The following DLG2 variants were observed in gnomAD, a reference collection of about 807,000 sequenced individuals.
DLG2 encodes the protein disks large homolog 2.
In DLG2, 45 loss-of-function variants were observed where a neutral mutation model predicts 132.5. The observed-to-expected ratio is 0.34, with a 90% CI of 0.27 to 0.44. DLG2 has a LOEUF of 0.44. DLG2 is among the 20% of genes least tolerant of loss of function. The probability of loss-of-function intolerance (pLI) is 1.00; values close to 1 mark genes in which losing one functional copy is unlikely to be tolerated. For synonymous variants in DLG2, 424 were observed against 419.6 expected (o/e 1.01, Z -0.13); for missense variants, 1,045 against 1,196.9 (o/e 0.87, Z 1.87).
intron 7 of DLG2, among the ~76,000 whole-genome samples, chr11:84,457,170 C>T (rs1602462371): frequency 1.3e-5 from 2 of 151,056 alleles, no homozygotes; most frequent in Non-Finnish European, 3.0e-5. Context: ...AAACATAAAA[C>T]CTGAAATAAT....
chr11:84,881,544 C>A (rs2087341194), intron 6 of DLG2, among the ~76,000 whole-genome samples: 1 of 152,138 alleles, frequency 6.6e-6, no homozygotes, highest in Non-Finnish European at 1.5e-5. Flanking sequence ...GTGCTACTGA[C>A]ATTTGGGGCA....
intron 21 of DLG2, 75 bp downstream of exon 21, chr11:83,532,633 A>G: frequency 1.5e-6 from 2 of 1,306,058 alleles, no homozygotes; most frequent in Non-Finnish European, 2.2e-6. Flanking sequence ...TTGCTACTGA[A>G]AGCCTAAATG....
At chr11:85,586,742 G>T (rs2078997498) in intron 3 of DLG2, among the ~76,000 whole-genome samples, 1 of 151,968 alleles carries the variant, frequency 6.6e-6, no homozygotes, top group South Asian at 2.1e-4. Flanking sequence ...TGTTAGGTTT[G>T]GGTTGGTTTT....
At chr11:84,656,671 G>A (rs1027172948) in intron 6 of DLG2, among the ~76,000 whole-genome samples, 2 of 152,082 alleles carry the variant, frequency 1.3e-5, no homozygotes, top group African/African-American at 4.8e-5. Flanking sequence ...GAAACAGAGA[G>A]ATCACAGTTC....
chr11:84,198,596 T>C (rs1418396672), intron 8 of DLG2, among the ~76,000 whole-genome samples: 1 of 152,164 alleles, frequency 6.6e-6, no homozygotes, highest in Non-Finnish European at 1.5e-5. Context: ...GTAAATTGCA[T>C]GTATTCTTAA....
intron 3 of DLG2, among the ~76,000 whole-genome samples, chr11:85,433,826 T>G (rs185196040): frequency 1.3e-5 from 2 of 152,052 alleles, no homozygotes. Flanking sequence ...ACCTAATAAA[T>G]AGCTACAGAA....
chr11:85,192,232 A>G (rs2080647901), intron 4 of DLG2, among the ~76,000 whole-genome samples: 1 of 152,248 alleles, frequency 6.6e-6, no homozygotes, highest in South Asian at 2.1e-4. Context: ...CTCATCTATA[A>G]AATGAGAATA....
chr11:83,791,082 G>A, intron 17 of DLG2: 1 of 688,732 alleles, frequency 1.5e-6, no homozygotes, highest in Non-Finnish European at 2.6e-6. Flanking sequence ...ATTCAGGGGT[G>A]GACTCGGACT....
intron 14 of DLG2, among the ~76,000 whole-genome samples, chr11:83,951,392 T>G (rs1033349487): frequency 2.0e-5 from 3 of 151,620 alleles, no homozygotes; most frequent in Non-Finnish European, 4.4e-5. Context: ...AAACAAATAC[T>G]CAAATAAAAA....
At chr11:84,261,595 C>A (rs532467443) in intron 7 of DLG2, among the ~76,000 whole-genome samples, 2 of 152,236 alleles carry the variant, frequency 1.3e-5, no homozygotes, top group African/African-American at 4.8e-5. Context: ...ATGAATATTT[C>A]TTTATATTTT....
intron 6 of DLG2, among the ~76,000 whole-genome samples, chr11:84,762,341 G>A (rs539798130): frequency 5.3e-5 from 8 of 152,122 alleles, no homozygotes; most frequent in South Asian, 4.2e-4. Flanking sequence ...AGATGGTGGC[G>A]TTCAATAAAA....
intron 14 of DLG2, among the ~76,000 whole-genome samples, chr11:83,935,301 A>C (rs1306195834): frequency 6.6e-6 from 1 of 152,178 alleles, no homozygotes; most frequent in African/African-American, 2.4e-5. Flanking sequence ...GGATTTGGAA[A>C]AGTATAAGAG....
intron 4 of DLG2, among the ~76,000 whole-genome samples, chr11:85,251,362 T>G (rs958498429): frequency 6.6e-6 from 1 of 152,212 alleles, no homozygotes; most frequent in African/African-American, 2.4e-5. Flanking sequence ...CATCGTTATA[T>G]ATATCCCATA....
chr11:85,174,158 C>A (rs918409171), intron 4 of DLG2, among the ~76,000 whole-genome samples: 6 of 152,136 alleles, frequency 3.9e-5, no homozygotes, highest in Non-Finnish European at 8.8e-5. Context: ...CCAAAAACAA[C>A]AGAATATATA....
At chr11:85,559,126 C>T (rs1199074559) in intron 3 of DLG2, among the ~76,000 whole-genome samples, 6 of 150,478 alleles carry the variant, frequency 4.0e-5, no homozygotes, top group African/African-American at 9.7e-5. Flanking sequence ...ATTTAGTTCA[C>T]ATATTATATG....
At chr11:83,643,185 C>G (rs984759) in intron 18 of DLG2, among the ~76,000 whole-genome samples, 29,971 of 151,920 alleles carry the variant, frequency 0.2, 3,055 homozygotes, top group Non-Finnish European at 0.21. Context: ...ATATCCCAAC[C>G]TGCCTACACA....
At chr11:84,301,112 C>T (rs762601996) in intron 7 of DLG2, among the ~76,000 whole-genome samples, 5 of 152,124 alleles carry the variant, frequency 3.3e-5, no homozygotes, top group Non-Finnish European at 7.3e-5. Context: ...TATATCCTCA[C>T]GAGAAGTGTA....
At chr11:85,587,759 G>C (rs572562256) in intron 3 of DLG2, among the ~76,000 whole-genome samples, 16 of 152,110 alleles carry the variant, frequency 1.1e-4, no homozygotes, top group African/African-American at 3.9e-4. Context: ...AACATCTTGG[G>C]TTTTTTCTTT....
chr11:85,093,370 C>A (rs1465050567), intron 6 of DLG2, among the ~76,000 whole-genome samples: 1 of 151,882 alleles, frequency 6.6e-6, no homozygotes, highest in Non-Finnish European at 1.5e-5. Flanking sequence ...ACACTTGAAA[C>A]ATCAAGAGCA....
Sources: gnomAD v4.1 joint callset for allele counts (sites outside exome capture counted in the v4.1 genomes callset) on GRCh38, gnomAD v4.1.1 for gene constraint, MANE v1.5 for transcripts, NCBI Gene and HGNC (gene_info 2026-07-23, HGNC 2026-07-21) for gene names.